KDM4C: variants seen among roughly 807,000 people sequenced by gnomAD.
KDM4C encodes lysine demethylase 4C.
In KDM4C, 81 loss-of-function variants were observed where a neutral mutation model predicts 129.3. The ratio of observed to expected loss-of-function variants is 0.63; its 90% CI spans 0.52 to 0.75. The LOEUF (loss-of-function observed/expected upper bound fraction) is 0.75, where lower values mean the gene tolerates loss of function less well. KDM4C is among the 30% of genes least tolerant of loss of function. The pLI is 0.00. For missense variants in KDM4C, 1,457 were observed against 1,304.0 expected, an observed-to-expected ratio of 1.12 and a Z score of -1.81; for synonymous variants, 573 against 456.1, an observed-to-expected ratio of 1.26 and a Z score of -3.26.
intron 2 of KDM4C, among the ~76,000 whole-genome samples, chr9:6,804,108 C>T (rs965034290): frequency 2.3e-4 from 35 of 152,202 alleles, no homozygotes; most frequent in African/African-American, 8.4e-4. Flanking sequence ...CAGGTGTGAG[C>T]CACTACGGCT....
chr9:7,073,800 T>TG (rs1833540002), intron 17 of KDM4C, among the ~76,000 whole-genome samples: 1 of 152,216 alleles, frequency 6.6e-6, no homozygotes, highest in African/African-American at 2.4e-5. Context: ...AGTTCACTCT[T>TG]GCCTGGTGTC....
At chr9:6,780,273 C>T (rs1482094599) in intron 1 of KDM4C, among the ~76,000 whole-genome samples, 3 of 151,898 alleles carry the variant, frequency 2.0e-5, no homozygotes, top group Admixed American at 6.6e-5. Context: ...ATTGTTTCTA[C>T]CAAATTTAAG....
chr9:6,772,943 A>G (rs112472720), intron 1 of KDM4C, among the ~76,000 whole-genome samples: 14,625 of 150,998 alleles, frequency 0.097, 812 homozygotes, highest in Non-Finnish European at 0.11. Context: ...TGATCCACCC[A>G]CCTCGGCCTC....
intron 18 of KDM4C, among the ~76,000 whole-genome samples, chr9:7,116,454 A>G (rs7862711): frequency 0.45 from 68,068 of 151,724 alleles, 15,613 homozygotes; most frequent in East Asian, 0.75. Context: ...CAGGAGGGCC[A>G]CAGGCAGGAA....
rs1423586262 is a variant in KDM4C at position 6,986,345 on chromosome 9, A to T, written c.1356A>T (p.Gly452=). Residue 452 remains glycine, a splice_region_variant and synonymous_variant, in exon 11 of 22, where the codon GGA becomes GGT. Transcript: ENST00000381309. ...QNLSDHIKLS[G]NSCLSTSVTE... is the part of the protein sequence containing the mutation. ...AACAGTCTTCTGTTTTATCCTCAGG[A>T]AACAGCTGCTTAAGTACATCTGTAA... 1 of 1,602,308 alleles carries T rather than the reference A, an allele frequency of 6.2e-7. No individual in the cohort carries two copies. The highest frequency in any genetic ancestry group is 8.5e-7 in the Non-Finnish European group (1 of 1,170,998).
chr9:6,831,694 A>G (rs934132735), intron 4 of KDM4C, among the ~76,000 whole-genome samples: 14 of 152,062 alleles, frequency 9.2e-5, no homozygotes, highest in Admixed American at 1.3e-4. Context: ...GAGCCTAATA[A>G]TCATGTCTGA....
At chr9:7,157,316 T>G (rs1381264708) in intron 19 of KDM4C, among the ~76,000 whole-genome samples, 1 of 152,244 alleles carries the variant, frequency 6.6e-6, no homozygotes, top group Non-Finnish European at 1.5e-5. Flanking sequence ...CAATTTGACT[T>G]CCTCTTTTCC....
At chr9:6,971,344 T>C (rs1831953512) in intron 8 of KDM4C, among the ~76,000 whole-genome samples, 1 of 152,208 alleles carries the variant, frequency 6.6e-6, no homozygotes. Context: ...CAGTTTGGAT[T>C]TAAATATATT....
chr9:6,726,184 A>G (rs952476232), intron 1 of KDM4C, among the ~76,000 whole-genome samples: 2 of 152,156 alleles, frequency 1.3e-5, no homozygotes, highest in African/African-American at 2.4e-5. Context: ...TCAGCCTCCC[A>G]AAGTGCTGGG....
In KDM4C at chr9:6,984,386, G is replaced by C; in HGVS notation, c.1336G>C (p.Asp446His). 3.7e-6 allele frequency: 6 copies of C among 1,611,582 alleles called. No individual in the cohort carries two copies. The highest frequency in any genetic ancestry group is 5.1e-6 in the Non-Finnish European group (6 of 1,177,892). ...GATGCAGGTGGAGCAGAATTTATCA[G>C]ATCATATCAAACTCTCAGGTGAGAA... Reference protein sequence around the residue: ...SRMQVEQNLSDHIKLSGNSCL... With the variant: ...SRMQVEQNLSHHIKLSGNSCL... The change falls in exon 10 of 22, where the codon GAT becomes CAT. Residue 446 changes from aspartate (D) to histidine (H), a missense_variant. Coordinates refer to ENST00000381309, the MANE Select transcript of KDM4C (RefSeq NM_015061.6).
intron 4 of KDM4C, among the ~76,000 whole-genome samples, chr9:6,841,990 C>A (rs187246956): frequency 5.3e-4 from 81 of 152,256 alleles, no homozygotes; most frequent in African/African-American, 1.9e-3. Context: ...TTTTCTTTGG[C>A]CATTTGCATA....
rs774021736 is a variant in KDM4C, at chr9:6,729,127, C to G, written c.49+8130C>G. On this transcript the variant is annotated intron_variant, in intron 1 of 17. Transcript: ENST00000536108. ...GGCTGAGGCAGAGAATTGCTTGAAC[C>G]CGGGAAGCAGAGGTTGCAGTGAGCC... 7.6e-5 allele frequency among the ~76,000 whole-genome samples: 6 copies of G among 78,474 alleles called. 1 individual carries two copies. Among genetic ancestry groups the G allele is most frequent in the Non-Finnish European group, 1.3e-4 (6 of 45,736 alleles). 51.5% of individuals were successfully genotyped at this position (78,474 alleles called of 152,430 possible). A position where few individuals can be genotyped will look rare whatever the true frequency, so the allele number is the denominator to read the frequency against.
At chr9:6,883,716 G>A (rs1191415394) in intron 6 of KDM4C, among the ~76,000 whole-genome samples, 2 of 152,182 alleles carry the variant, frequency 1.3e-5, no homozygotes, top group Non-Finnish European at 2.9e-5. Context: ...GAATTATGGG[G>A]AAGTGAAGAT....
chr9:6,847,433 C>G (rs1181189749), intron 4 of KDM4C, among the ~76,000 whole-genome samples: 1 of 151,894 alleles, frequency 6.6e-6, no homozygotes, highest in African/African-American at 2.4e-5. Flanking sequence ...GAGTCTTGCT[C>G]TGTCGCCCAG....
intron 8 of KDM4C, among the ~76,000 whole-genome samples, chr9:6,949,934 C>G (rs992645064): frequency 6.6e-6 from 1 of 152,094 alleles, no homozygotes; most frequent in African/African-American, 2.4e-5. Context: ...TTTTTGAGAT[C>G]CCTGCATTAA....
At chr9:7,024,027 T>C (rs1283433070) in intron 15 of KDM4C, among the ~76,000 whole-genome samples, 1 of 152,242 alleles carries the variant, frequency 6.6e-6, no homozygotes, top group African/African-American at 2.4e-5. Context: ...TTTGAACGTT[T>C]GAAGACAAGT....
chr9:6,956,315 G>A (rs771764191), intron 8 of KDM4C, among the ~76,000 whole-genome samples: 5 of 152,078 alleles, frequency 3.3e-5, no homozygotes, highest in Non-Finnish European at 2.9e-5. Flanking sequence ...TCCCCATGAT[G>A]TGCTTATTTC....
At chr9:6,823,616 T>TG (rs892421893) in intron 4 of KDM4C, among the ~76,000 whole-genome samples, 4 of 152,244 alleles carry the variant, frequency 2.6e-5, no homozygotes, top group African/African-American at 9.6e-5. Flanking sequence ...CCTTCGTTGC[T>TG]GCTGCCTCCA....
At chr9:7,061,071 T>G (rs1831595533) in intron 17 of KDM4C, among the ~76,000 whole-genome samples, 1 of 152,202 alleles carries the variant, frequency 6.6e-6, no homozygotes, top group African/African-American at 2.4e-5. Flanking sequence ...TGTTTTTTAG[T>G]CTCAAGCATG....
Sources: allele counts gnomAD v4.1 joint callset (sites outside exome capture counted in the v4.1 genomes callset), GRCh38; gene constraint gnomAD v4.1.1; transcripts MANE v1.5; gene names NCBI Gene and HGNC (gene_info 2026-07-23, HGNC 2026-07-21).